The following GCSH variants were observed in gnomAD, a reference collection of about 807,000 sequenced individuals.
GCSH encodes glycine cleavage system H protein, mitochondrial.
In GCSH, 15 loss-of-function variants were observed where a neutral mutation model predicts 21.3. The ratio of observed to expected loss-of-function variants is 0.70; its 90% CI spans 0.47 to 1.08. The LOEUF is 1.08. Among genes scored for constraint, GCSH ranks in the 50% least tolerant of loss-of-function variants. GCSH has a pLI of 0.00. For missense variants in GCSH, 179 were observed against 217.5 expected (o/e 0.82, Z 1.11); for synonymous variants, 59 against 84.5 (o/e 0.70, Z 1.66).
intron 3 of GCSH, among the ~76,000 whole-genome samples, chr16:81,087,277 G>A (rs1972300883): frequency 6.6e-6 from 1 of 152,168 alleles, no homozygotes; most frequent in Admixed American, 6.5e-5. Flanking sequence ...TGTAATCTCA[G>A]CATTTTGGGA....
chr16:81,087,063 C>CT (rs1014272210), intron 3 of GCSH, among the ~76,000 whole-genome samples: 1 of 152,010 alleles, frequency 6.6e-6, no homozygotes, highest in Non-Finnish European at 1.5e-5. Context: ...TATTAATAGA[C>CT]TTTTTTTCTC....
chr16:81,088,452 G>A (rs1972328375), intron 2 of GCSH, among the ~76,000 whole-genome samples: 1 of 152,058 alleles, frequency 6.6e-6, no homozygotes, highest in Non-Finnish European at 1.5e-5. Context: ...AGGCTGGAGT[G>A]CAGTGGCCTG....
intron 3 of GCSH, among the ~76,000 whole-genome samples, chr16:81,086,809 G>A (rs1024554546): frequency 3.1e-5 from 4 of 130,420 alleles, no homozygotes; most frequent in African/African-American, 1.0e-4. Context: ...AACACACACT[G>A]TGTGATTCCT....
At chr16:81,088,802 A>C (rs1028297524) in intron 2 of GCSH, among the ~76,000 whole-genome samples, 1 of 152,198 alleles carries the variant, frequency 6.6e-6, no homozygotes, top group African/African-American at 2.4e-5. Flanking sequence ...AATCCTGCTC[A>C]CTGATTCTAC....
rs1408273516 is a variant in GCSH, at chr16:81,096,311, C to A, written c.-33G>T. On this transcript the variant is annotated 5_prime_UTR_variant, in exon 1 of 5. Coordinates refer to ENST00000315467, the MANE Select transcript of GCSH (RefSeq NM_004483.5). Reference sequence around the variant, plus strand: ...GGGGTGCGGGGGTCGCAGCGCTACGCCTCGGCCACCCGCGCCGGGAGGCGG... The same window carrying A: ...GGGGTGCGGGGGTCGCAGCGCTACGACTCGGCCACCCGCGCCGGGAGGCGG... 8 of 1,349,550 alleles carry A rather than the reference C, an allele frequency of 5.9e-6. No individual in the cohort carries two copies. The highest frequency in any genetic ancestry group is 7.6e-6 in the Non-Finnish European group (8 of 1,056,182). 83.6% of individuals were successfully genotyped at this position (1,349,550 alleles called of 1,614,324 possible).
chr16:81,088,955 C>T (rs1378533513), intron 2 of GCSH, among the ~76,000 whole-genome samples: 3 of 152,158 alleles, frequency 2.0e-5, no homozygotes, highest in Non-Finnish European at 4.4e-5. Flanking sequence ...TAGGTAATTC[C>T]CCTCACAAAT....
intron 1 of GCSH, among the ~76,000 whole-genome samples, chr16:81,091,512 A>G (rs1231711119): frequency 6.6e-6 from 1 of 152,224 alleles, no homozygotes; most frequent in Non-Finnish European, 1.5e-5. Flanking sequence ...GTTATTTAGG[A>G]TATAAAGTTA....
intron 3 of GCSH, 109 bp downstream of exon 3, chr16:81,087,492 T>C: frequency 2.5e-6 from 2 of 801,358 alleles, no homozygotes; most frequent in Non-Finnish European, 4.2e-6. Flanking sequence ...AGCAAGACTG[T>C]CTCCAAAAAA....
At position 81,088,575 on chromosome 16, in the gene GCSH, A is replaced by T. The variant is rs966440420; in HGVS notation, c.229-911T>A. Among the ~76,000 whole-genome samples the T allele has an allele frequency of 2.6e-5, 4 of 152,096 alleles. No homozygotes were observed. In the East Asian group the frequency reaches 5.8e-4, roughly 22 times the overall value. ...CACCATGCCTGGTTAATTTTTTAAA[A>T]TTTTTTGCTAGAGATGCAGTTTCAC... is the stretch of plus-strand genomic sequence containing the variant. On this transcript the variant is annotated intron_variant, in intron 2 of 4. Transcript: ENST00000315467.
At position 81,090,655 on chromosome 16, in the gene GCSH, T is replaced by C. The variant is rs1400350978; in HGVS notation, c.174A>G (p.Glu58=). 6.2e-7 allele frequency: 1 copy of C among 1,613,014 alleles called. No individual in the cohort carries two copies. The highest frequency in any genetic ancestry group is 1.3e-5 in the African/African-American group (1 of 75,022). ...CAATGCCATTTTCTGTTGTTACCCA[T>C]TCGTGTTTCTCTGTGAATTTACGCA... ...LSVRKFTEKH[E]WVTTENGIGT... is the part of the protein sequence containing the mutation. Residue 58 remains glutamate, a synonymous_variant, in exon 2 of 5, where the codon GAA becomes GAG. Transcript: ENST00000315467.
chr16:81,094,218 G>A (rs1249571847), intron 1 of GCSH, among the ~76,000 whole-genome samples: 2 of 152,124 alleles, frequency 1.3e-5, no homozygotes, highest in African/African-American at 4.8e-5. Flanking sequence ...CTTTCTAACT[G>A]GGCCTTGAAA....
chr16:81,085,600 G>A (rs1035387507), intron 3 of GCSH, among the ~76,000 whole-genome samples: 1 of 152,202 alleles, frequency 6.6e-6, no homozygotes, highest in Non-Finnish European at 1.5e-5. Flanking sequence ...CAGGCGTGGT[G>A]GCTCATGCCT....
intron 4 of GCSH, 68 bp from the exon 5 acceptor site, chr16:81,083,031 A>T: frequency 1.0e-6 from 1 of 970,008 alleles, no homozygotes; most frequent in East Asian, 2.4e-5. Flanking sequence ...CCAAAACGTA[A>T]AATAAATTTC....
chr16:81,094,260 T>C (rs1972456554), intron 1 of GCSH, among the ~76,000 whole-genome samples: 1 of 152,042 alleles, frequency 6.6e-6, no homozygotes, highest in Non-Finnish European at 1.5e-5. Flanking sequence ...AAATTAGGAG[T>C]TGTGAGCAAT....
chr16:81,091,951 C>T (rs553815055), intron 1 of GCSH, among the ~76,000 whole-genome samples: 53 of 152,020 alleles, frequency 3.5e-4, no homozygotes, highest in African/African-American at 1.2e-3. Flanking sequence ...TTTCTTTTCC[C>T]CTTAATTATG....
intron 2 of GCSH, among the ~76,000 whole-genome samples, chr16:81,088,349 C>T (rs906182160): frequency 6.6e-6 from 1 of 152,186 alleles, no homozygotes. Context: ...GGCTCACAGG[C>T]TTTAGCAACC....
chr16:81,085,006 C>A (rs570319383), intron 3 of GCSH, among the ~76,000 whole-genome samples: 1 of 132,344 alleles, frequency 7.6e-6, no homozygotes, highest in African/African-American at 2.8e-5. Flanking sequence ...TAAGCCACTG[C>A]ACCTGGCTCT....
Position 81,091,706 on chromosome 16 carries a change from T to G in GCSH, c.149-1026A>C, listed in dbSNP as rs149002899. On this transcript the variant is annotated intron_variant, in intron 1 of 4. Coordinates refer to ENST00000315467, the MANE Select transcript of GCSH (RefSeq NM_004483.5). ...ATTTTACCCCTTACCCAAAGGATAG[T>G]AGTACTTAAAACAGCATTCAATTGC... Among the ~76,000 whole-genome samples the G allele has an allele frequency of 2.3e-3, 357 of 152,288 alleles. 2 individuals are homozygous for G. Among genetic ancestry groups the G allele is most frequent in the African/African-American group, 8.2e-3 (342 of 41,560 alleles).
chr16:81,091,868 C>T (rs1351725146), intron 1 of GCSH, among the ~76,000 whole-genome samples: 3 of 152,208 alleles, frequency 2.0e-5, no homozygotes, highest in Middle Eastern at 3.4e-3. Context: ...ATCCTCCCAC[C>T]TCAACCTCTC....
Sources: allele counts gnomAD v4.1 joint callset (sites outside exome capture counted in the v4.1 genomes callset), GRCh38; gene constraint gnomAD v4.1.1; transcripts MANE v1.5; gene names NCBI Gene and HGNC (gene_info 2026-07-23, HGNC 2026-07-21).